PHLPP1: variants seen among roughly 807,000 people sequenced by gnomAD.
The protein encoded by PHLPP1 is PH domain leucine-rich repeat-containing protein phosphatase 1.
In PHLPP1, 42 loss-of-function variants were observed where a neutral mutation model predicts 117.2. The ratio of observed to expected loss-of-function variants is 0.36; its 90% CI spans 0.28 to 0.46. PHLPP1 has a LOEUF of 0.46. Ranked by LOEUF, PHLPP1 falls within the 20% of genes least tolerant of loss-of-function variation. The pLI is 1.00. For missense variants in PHLPP1, 2,084 were observed against 2,241.9 expected, an observed-to-expected ratio of 0.93 and a Z score of 1.42; for synonymous variants, 1,042 against 970.7, an observed-to-expected ratio of 1.07 and a Z score of -1.37.
At chr18:62,738,050 A>G (rs1911418781) in intron 1 of PHLPP1, among the ~76,000 whole-genome samples, 1 of 152,154 alleles carries the variant, frequency 6.6e-6, no homozygotes, top group Non-Finnish European at 1.5e-5. Flanking sequence ...TATAGGTAGA[A>G]CATTAGATAT....
intron 8 of PHLPP1, among the ~76,000 whole-genome samples, chr18:62,912,343 C>T (rs1475776995): frequency 2.4e-5 from 3 of 125,912 alleles, no homozygotes; most frequent in Non-Finnish European, 5.4e-5. Context: ...AAAACCTGAT[C>T]CATCAAAAAA....
At chr18:62,966,273 A>G (rs1910902402) in intron 14 of PHLPP1, among the ~76,000 whole-genome samples, 1 of 152,124 alleles carries the variant, frequency 6.6e-6, no homozygotes, top group Non-Finnish European at 1.5e-5. Flanking sequence ...ATTAATGATA[A>G]TGGTCATTAC....
In PHLPP1 at chr18:62,717,279, T is replaced by C. The variant is rs1489846219; in HGVS notation, c.1576+20T>C. The C allele has an allele frequency of 4.5e-6, 7 of 1,541,270 alleles. No individual in the cohort carries two copies. The highest frequency in any genetic ancestry group is 5.3e-6 in the Non-Finnish European group (6 of 1,141,892). On this transcript the variant is annotated intron_variant, in intron 1 of 16. Transcript: ENST00000262719. ...ATGCAGGTAAGGAAGTCACCTGCCT[T>C]GACGGGTGGTTGCAAAAGCTGCCGA...
intron 4 of PHLPP1, among the ~76,000 whole-genome samples, chr18:62,875,440 A>C (rs1205934053): frequency 1.3e-5 from 2 of 152,046 alleles, no homozygotes; most frequent in African/African-American, 4.8e-5. Context: ...TTTTGTAAAG[A>C]TACTGTGACT....
At chr18:62,766,199 G>A (rs767552440) in intron 1 of PHLPP1, among the ~76,000 whole-genome samples, 4 of 146,824 alleles carry the variant, frequency 2.7e-5, no homozygotes, top group Non-Finnish European at 4.5e-5. Context: ...GTTTCAGTCA[G>A]CAAGTTCAAC....
chr18:62,875,577 C>T (rs1298743273), intron 4 of PHLPP1, among the ~76,000 whole-genome samples: 1 of 151,980 alleles, frequency 6.6e-6, no homozygotes, highest in African/African-American at 2.4e-5. Flanking sequence ...ATTACTGTTG[C>T]TAGGTGAGCA....
Position 62,717,036 on chromosome 18 carries a change from C to T in PHLPP1, c.1353C>T (p.Thr451=). 6.5e-7 allele frequency: 1 copy of T among 1,546,210 alleles called. No individual in the cohort carries two copies. The highest frequency in any genetic ancestry group is 8.7e-7 in the Non-Finnish European group (1 of 1,146,252). Residue 451 remains threonine (T), a synonymous_variant, in exon 1 of 17, where the codon ACC becomes ACT. Coordinates refer to ENST00000262719, the MANE Select transcript of PHLPP1 (RefSeq NM_194449.4). ...TGGCCCCGGGAGGCCTCCAGTCTAC[C>T]CCCGGGAGGAGCGGGGTGACCGCGG... ...AAVAPGGLQS[T]PGRSGVTAEK... is the part of the protein sequence containing the mutation.
chr18:62,960,636 TTATAAG>T (rs1320705563), intron 13 of PHLPP1, among the ~76,000 whole-genome samples: 10 of 152,328 alleles, frequency 6.6e-5, no homozygotes, highest in South Asian at 2.1e-4. Context: ...ATGTTCAAAC[TTATAAG>T]TATATCAAGC....
In PHLPP1 at chr18:62,940,826, G is replaced by T. The variant is rs575569462; in HGVS notation, c.2961-892G>T. Among the ~76,000 whole-genome samples, 4 of 152,306 alleles carry T rather than the reference G, an allele frequency of 2.6e-5. No homozygotes were observed. In the East Asian group the frequency reaches 7.7e-4, roughly 29 times the overall value. On this transcript the variant is annotated intron_variant, in intron 10 of 16. Coordinates refer to ENST00000262719, the MANE Select transcript of PHLPP1 (RefSeq NM_194449.4). Reference sequence around the variant, plus strand: ...TTCGTCTCAAAGTGAGCACACTTGTGTAACCAGCACCTGGACTAAGAAACA... The same window carrying T: ...TTCGTCTCAAAGTGAGCACACTTGTTTAACCAGCACCTGGACTAAGAAACA...
At chr18:62,779,133 C>CT (rs1913049812) in intron 1 of PHLPP1, among the ~76,000 whole-genome samples, 1 of 152,172 alleles carries the variant, frequency 6.6e-6, no homozygotes, top group Non-Finnish European at 1.5e-5. Context: ...GCCTTATCTC[C>CT]TACCCCTCCT....
At chr18:62,836,888 C>G (rs886470168) in intron 2 of PHLPP1, among the ~76,000 whole-genome samples, 1 of 152,036 alleles carries the variant, frequency 6.6e-6, no homozygotes, top group Non-Finnish European at 1.5e-5. Flanking sequence ...AATCGGAAGG[C>G]GGAGTTTGCA....
chr18:62,935,687 C>T (rs2144445273), intron 10 of PHLPP1, among the ~76,000 whole-genome samples: 1 of 152,260 alleles, frequency 6.6e-6, no homozygotes, highest in Non-Finnish European at 1.5e-5. Context: ...ACGCCAGTAC[C>T]AGGAAGTATA....
At chr18:62,776,243 T>C (rs973199559) in intron 1 of PHLPP1, among the ~76,000 whole-genome samples, 2 of 152,158 alleles carry the variant, frequency 1.3e-5, no homozygotes, top group Non-Finnish European at 2.9e-5. Flanking sequence ...CAGACAGGAA[T>C]TGATGTTGTA....
rs1916557891 is a variant in PHLPP1 at position 62,896,140 on chromosome 18, G to A, written c.2444+129G>A. 2.4e-5 allele frequency: 15 copies of A among 621,448 alleles called. No individual in the cohort carries two copies. In the South Asian group the frequency reaches 2.8e-4, roughly 12 times the overall value. The allele number at this position is 621,448 out of a possible 1,614,324, so 38.5% of individuals were successfully genotyped here. On this transcript the variant is annotated intron_variant, in intron 6 of 16. Coordinates refer to ENST00000262719, the MANE Select transcript of PHLPP1 (RefSeq NM_194449.4). ...GGGCCCGTTTTTCTATTTCTGCCTA[G>A]AGGGAAGAATTATGATTAATAGTAG... is the stretch of plus-strand genomic sequence containing the variant.
At chr18:62,868,240 C>T (rs555053293) in intron 4 of PHLPP1, among the ~76,000 whole-genome samples, 54 of 152,146 alleles carry the variant, frequency 3.5e-4, no homozygotes, top group Non-Finnish European at 6.8e-4. Context: ...AACAATACTA[C>T]AGATTATACC....
chr18:62,939,306 T>C (rs1311805833), intron 10 of PHLPP1, among the ~76,000 whole-genome samples: 1 of 152,178 alleles, frequency 6.6e-6, no homozygotes, highest in African/African-American at 2.4e-5. Context: ...AATTCTATTT[T>C]AATGAAATTA....
In PHLPP1 at chr18:62,860,491, G is replaced by T. The variant is rs772740110; in HGVS notation, c.1956G>T (p.Leu652=). The T allele has an allele frequency of 1.2e-6, 2 of 1,613,890 alleles. No homozygotes were observed. The highest frequency in any genetic ancestry group is 3.3e-5 in the Admixed American group (2 of 60,004). The change falls in exon 4 of 17, where the codon CTG becomes CTT. Residue 652 remains leucine (L), a synonymous_variant. Coordinates refer to ENST00000262719, the MANE Select transcript of PHLPP1 (RefSeq NM_194449.4). ...TCTCGTGTTGTAGCCTGGAACATCT[G>T]CCTGCCAACCTCTTCTACAGCCAAG... The part of the protein sequence containing the change: ...VDLSCCSLEH[L]PANLFYSQDL...
At chr18:62,857,095 TG>T (rs1208570554) in intron 3 of PHLPP1, among the ~76,000 whole-genome samples, 3 of 88,804 alleles carry the variant, frequency 3.4e-5, no homozygotes, top group Admixed American at 1.4e-4. Context: ...GTAAACATGT[TG>T]AATGAATGAA....
chr18:62,858,668 A>G (rs1316434833), intron 3 of PHLPP1, among the ~76,000 whole-genome samples: 3 of 152,194 alleles, frequency 2.0e-5, no homozygotes, highest in Admixed American at 6.5e-5. Context: ...ATGGTGGCTC[A>G]TGCCTGTAAT....
Sources: allele counts gnomAD v4.1 joint callset (sites outside exome capture counted in the v4.1 genomes callset), GRCh38; gene constraint gnomAD v4.1.1; transcripts MANE v1.5; gene names NCBI Gene and HGNC (gene_info 2026-07-23, HGNC 2026-07-21).